Variants in ARIH2 observed in about 807,000 individuals in gnomAD.
The protein encoded by ARIH2 is E3 ubiquitin-protein ligase ARIH2.
ARIH2 carries 12 observed loss-of-function variants against 79.8 expected under a neutral mutation model. The ratio of observed to expected loss-of-function variants is 0.15; its 90% CI spans 0.10 to 0.24. The LOEUF (loss-of-function observed/expected upper bound fraction) is 0.24. ARIH2 is among the 10% of genes least tolerant of loss of function. The pLI is 1.00. For missense variants in ARIH2, 301 were observed against 618.3 expected (o/e 0.49, Z 5.44); for synonymous variants, 224 against 213.9 (o/e 1.05, Z -0.41).
chr3:48,970,685 C>T lies in ARIH2; in HGVS notation c.751C>T (p.Arg251Trp), dbSNP rs769437830. 9 of 1,613,624 alleles carry T rather than the reference C, an allele frequency of 5.6e-6. No individual in the cohort carries two copies. Among genetic ancestry groups the T allele is most frequent in the Middle Eastern group, 1.6e-4 (1 of 6,084 alleles). ...TAGAGCTCGCCGAGTACAGTGCAAT[C>T]GGTGCAACGAGGTCTTCTGGTAAGA... ...EPRARRVQCN[R>W]CNEVFCFKCR... is the part of the protein sequence containing the mutation. Residue 251 changes from arginine to tryptophan, a missense_variant, in exon 8 of 16, where the codon CGG (arginine) becomes TGG (tryptophan). By Grantham distance (101) the Arg-to-Trp change is moderately radical. This residue lies in a region of ARIH2 where 223 missense variants were observed against 349.4 expected (regional missense o/e 0.64). Coordinates refer to ENST00000356401, the MANE Select transcript of ARIH2 (RefSeq NM_006321.4).
At chr3:48,923,446 CAATT>C (rs1376287837) in intron 2 of ARIH2, among the ~76,000 whole-genome samples, 1 of 146,714 alleles carries the variant, frequency 6.8e-6, no homozygotes, top group Non-Finnish European at 1.5e-5. Flanking sequence ...TATTGCCCCA[CAATT>C]AATAGGGTTT....
chr3:48,979,463 C>T lies in ARIH2; in HGVS notation c.962-19C>T. ...AGTTGTCTTGTAGATGTAAATGACTCTTCCTCTGTTCTGCACAGACTTCTG... is the reference window on the plus strand; with the variant it reads ...AGTTGTCTTGTAGATGTAAATGACTTTTCCTCTGTTCTGCACAGACTTCTG... On this transcript the variant is annotated intron_variant, in intron 11 of 15. Coordinates refer to ENST00000356401, the MANE Select transcript of ARIH2 (RefSeq NM_006321.4). The T allele has an allele frequency of 1.2e-6, 2 of 1,610,702 alleles. No homozygotes were observed. Among genetic ancestry groups the T allele is most frequent in the Non-Finnish European group, 1.7e-6 (2 of 1,178,078 alleles).
chr3:48,961,016 C>T (rs2091190239), intron 3 of ARIH2, among the ~76,000 whole-genome samples: 1 of 152,136 alleles, frequency 6.6e-6, no homozygotes, highest in Admixed American at 6.6e-5. Flanking sequence ...TAACTATGTG[C>T]TTTAAATGTC....
intron 3 of ARIH2, among the ~76,000 whole-genome samples, chr3:48,958,219 G>A (rs2090833452): frequency 6.6e-6 from 1 of 152,138 alleles, no homozygotes; most frequent in African/African-American, 2.4e-5. Context: ...GTCTTGGGAG[G>A]CTGAGGTGAG....
At chr3:48,970,871 A>T in intron 8 of ARIH2, 167 bp downstream of exon 8, 1 of 559,694 alleles carries the variant, frequency 1.8e-6, no homozygotes, top group Non-Finnish European at 3.2e-6. Flanking sequence ...CTCATATTCC[A>T]CTAGGTCTTC....
chr3:48,961,724 C>A (rs1447030425), intron 4 of ARIH2, 45 bp downstream of exon 4: 2 of 1,241,442 alleles, frequency 1.6e-6, no homozygotes, highest in Non-Finnish European at 2.4e-6. Context: ...CATAGCTCCC[C>A]TCTCCGTGGT....
At chr3:48,945,810 G>A (rs1017576017) in intron 3 of ARIH2, among the ~76,000 whole-genome samples, 3 of 152,104 alleles carry the variant, frequency 2.0e-5, no homozygotes, top group African/African-American at 4.8e-5. Flanking sequence ...ATCACAATCT[G>A]CTTACACTGA....
intron 11 of ARIH2, among the ~76,000 whole-genome samples, chr3:48,976,308 G>C (rs928818347): frequency 6.7e-6 from 1 of 149,894 alleles, no homozygotes; most frequent in Non-Finnish European, 1.5e-5. Flanking sequence ...CTACCTCCTG[G>C]GTTCAAGCGA....
intron 3 of ARIH2, among the ~76,000 whole-genome samples, chr3:48,940,640 C>A (rs2087982710): frequency 6.6e-6 from 1 of 150,888 alleles, no homozygotes; most frequent in African/African-American, 2.4e-5. Flanking sequence ...ACTAAAAATA[C>A]AAAAATTAGT....
Position 48,980,471 on chromosome 3 carries a change from A to T in ARIH2, c.1232A>T (p.Gln411Leu). ...ACATGGATCGACTGGCAGTACCTAC[A>T]GAATGCTGCCAAGCTCTTGGCCAAG... ...LGTWIDWQYL[Q>L]NAAKLLAKCR... The change falls in exon 13 of 16, where the codon CAG becomes CTG. Residue 411 changes from glutamine (Q) to leucine (L), a missense_variant. By Grantham distance (113) the Gln-to-Leu change is moderately radical. Coordinates refer to ENST00000356401, the MANE Select transcript of ARIH2 (RefSeq NM_006321.4). 1 of 1,614,148 alleles carries T rather than the reference A, an allele frequency of 6.2e-7. No homozygotes were observed. Among genetic ancestry groups the T allele is most frequent in the Non-Finnish European group, 8.5e-7 (1 of 1,180,016 alleles).
At chr3:48,975,245 A>T (rs1335626680) in intron 11 of ARIH2, 9 of 583,424 alleles carry the variant, frequency 1.5e-5, no homozygotes, top group Non-Finnish European at 2.7e-5. Context: ...TTATCCAAGA[A>T]GATGATTTCA....
chr3:48,968,901 G>T (rs760282898), intron 7 of ARIH2, among the ~76,000 whole-genome samples: 1 of 151,920 alleles, frequency 6.6e-6, no homozygotes, highest in Admixed American at 6.6e-5. Context: ...TTTTTTTTGC[G>T]TGTGTGACTG....
Position 48,979,549 on chromosome 3 carries a change from C to G in ARIH2, c.1029C>G (p.Tyr343Ter). Residue 343 changes from tyrosine (Y) to a stop codon, truncating the protein, a stop_gained, in exon 12 of 16, where the codon TAC (tyrosine) becomes TAG (stop). Transcript: ENST00000356401. LOFTEE classifies it high-confidence loss of function. Reference sequence around the variant, plus strand: ...GTGAATACTATGAGTGCAGTCGTTACAAGGAGAATCCTGACATCGTGAACC... The same window carrying G: ...GTGAATACTATGAGTGCAGTCGTTAGAAGGAGAATCCTGACATCGTGAACC... The part of the protein sequence containing the change: ...HGSEYYECSR[Y>*]KENPDIVNQS... The G allele has an allele frequency of 6.2e-7, 1 of 1,614,220 alleles. No individual in the cohort carries two copies. Among genetic ancestry groups the G allele is most frequent in the Non-Finnish European group, 8.5e-7 (1 of 1,180,030 alleles).
chr3:48,919,153 C>G (rs1320763558), intron 1 of ARIH2, 155 bp downstream of exon 1: 1 of 1,302,146 alleles, frequency 7.7e-7, no homozygotes, highest in East Asian at 2.9e-5. Flanking sequence ...CGAGCATTAC[C>G]CGCCGTCAGC....
intron 6 of ARIH2, among the ~76,000 whole-genome samples, chr3:48,967,476 A>G (rs1320017938): frequency 2.6e-5 from 4 of 152,206 alleles, no homozygotes; most frequent in African/African-American, 9.7e-5. Context: ...AAAACTAAAT[A>G]TACTGTTGTA....
At chr3:48,920,256 C>T (rs2084622277) in intron 1 of ARIH2, among the ~76,000 whole-genome samples, 1 of 152,014 alleles carries the variant, frequency 6.6e-6, no homozygotes, top group Non-Finnish European at 1.5e-5. Flanking sequence ...GCTGGGATTA[C>T]AGGCGTGAGC....
intron 14 of ARIH2, 109 bp downstream of exon 14, chr3:48,981,837 A>T: frequency 2.4e-6 from 2 of 827,130 alleles, no homozygotes; most frequent in Non-Finnish European, 3.9e-6. Context: ...GGGAGGGCAA[A>T]GTTAAAACAA....
At chr3:48,948,291 G>A (rs779094901) in intron 3 of ARIH2, among the ~76,000 whole-genome samples, 5 of 148,634 alleles carry the variant, frequency 3.4e-5, no homozygotes, top group African/African-American at 7.5e-5. Context: ...TTTTTGAGAC[G>A]GAGTTTTGCT....
rs2092885874 is a variant in ARIH2 at position 48,985,669 on chromosome 3, G to A, written c.*2399G>A. The A allele has an allele frequency of 6.6e-6, 1 of 152,192 alleles. No homozygotes were observed. Among genetic ancestry groups the A allele is most frequent in the Non-Finnish European group, 1.5e-5 (1 of 68,054 alleles). The allele number at this position is 152,192 out of a possible 1,614,324, so 9.4% of individuals were successfully genotyped here. A position where few individuals can be genotyped will look rare whatever the true frequency, so the allele number is the denominator to read the frequency against. On this transcript the variant is annotated 3_prime_UTR_variant, in exon 16 of 16. Coordinates refer to ENST00000356401, the MANE Select transcript of ARIH2 (RefSeq NM_006321.4). The stretch of plus-strand genomic sequence containing the variant: ...CTTCCAGAGGGCTGTGGAGGCCCCA[G>A]TGGCCAAACTCGGCTCTGTTTTCCC...
Sources: allele counts gnomAD v4.1 joint callset (sites outside exome capture counted in the v4.1 genomes callset), GRCh38; gene constraint gnomAD v4.1.1; regional missense constraint gnomAD v4.1.1; transcripts MANE v1.5; gene names NCBI Gene and HGNC (gene_info 2026-07-23, HGNC 2026-07-21).